AGXT: variants seen among roughly 807,000 people sequenced by gnomAD.
The protein encoded by AGXT is L-alanine: glyoxylate aminotransferase 1.
In AGXT, 41 loss-of-function variants were observed where a neutral mutation model predicts 46.9. The observed-to-expected ratio is 0.88, with a 90% CI of 0.68 to 1.14. The LOEUF (loss-of-function observed/expected upper bound fraction) is 1.14. AGXT is among the 50% of genes most tolerant of loss of function. The pLI is 0.00. For synonymous variants in AGXT, 244 were observed against 227.9 expected, an observed-to-expected ratio of 1.07 and a Z score of -0.64; for missense variants, 525 against 522.7, an observed-to-expected ratio of 1.00 and a Z score of -0.04.
At chr2:240,878,240 G>A (rs992251541) in intron 10 of AGXT, 90 bp downstream of exon 10, 33 of 1,554,632 alleles carry the variant, frequency 2.1e-5, no homozygotes, top group South Asian at 1.2e-4. Flanking sequence ...AGGGGAGGCC[G>A]GGGTCATCCG....
At chr2:240,878,242 G>C (rs2059039046) in intron 10 of AGXT, 92 bp downstream of exon 10, 2 of 1,555,550 alleles carry the variant, frequency 1.3e-6, no homozygotes, top group South Asian at 1.2e-5. Context: ...GGGAGGCCGG[G>C]GTCATCCGAA....
At chr2:240,869,413 T>C in intron 2 of AGXT, 51 bp downstream of exon 2, 1 of 627,424 alleles carries the variant, frequency 1.6e-6, no homozygotes, top group Non-Finnish European at 2.4e-6. Context: ...CTTCAAGGCC[T>C]CCCTGGCCTC....
chr2:240,879,224 G>A lies in AGXT; in HGVS notation c.*403G>A, dbSNP rs1020687663. The A allele has an allele frequency of 6.7e-6, 2 of 297,622 alleles. No homozygotes were observed. The highest frequency in any genetic ancestry group is 1.3e-5 in the Non-Finnish European group (2 of 154,330). The allele number at this position is 297,622 out of a possible 1,614,324, so 18.4% of individuals were successfully genotyped here. On this transcript the variant is annotated 3_prime_UTR_variant, in exon 11 of 11. Coordinates refer to ENST00000307503, the MANE Select transcript of AGXT (RefSeq NM_000030.3). ...CACTCCTCATCCTGGAGCCCACAGGGTAGATCCTCCCCTGGAGGAGGTGCT... is the reference window on the plus strand; with the variant it reads ...CACTCCTCATCCTGGAGCCCACAGGATAGATCCTCCCCTGGAGGAGGTGCT...
At chr2:240,869,923 C>T (rs2106427951) in intron 2 of AGXT, among the ~76,000 whole-genome samples, 1 of 152,288 alleles carries the variant, frequency 6.6e-6, no homozygotes, top group South Asian at 2.1e-4. Flanking sequence ...GTGAGCTCCA[C>T]AATGGCCATG....
At position 240,871,386 on chromosome 2, in the gene AGXT, C is replaced by T. The variant is rs1352796497; in HGVS notation, c.461C>T (p.Thr154Ile). Reference sequence around the variant, plus strand: ...CACAAGCCAGTGCTGCTGTTCTTAACCCACGGGGAGTCGTCCACCGGCGTG... The same window carrying T: ...CACAAGCCAGTGCTGCTGTTCTTAATCCACGGGGAGTCGTCCACCGGCGTG... ...AQHKPVLLFL[T>I]HGESSTGVLQ... The change falls in exon 4 of 11, where the codon ACC becomes ATC. Residue 154 changes from threonine to isoleucine, a missense_variant. Coordinates refer to ENST00000307503, the MANE Select transcript of AGXT (RefSeq NM_000030.3). The T allele has an allele frequency of 1.0e-5, 16 of 1,599,208 alleles. No homozygotes were observed. Among genetic ancestry groups the T allele is most frequent in the African/African-American group, 1.3e-5 (1 of 74,690 alleles).
chr2:240,876,156 C>A (rs2059023817), intron 8 of AGXT, 152 bp downstream of exon 8: 2 of 948,666 alleles, frequency 2.1e-6, no homozygotes, highest in Non-Finnish European at 1.7e-6. Flanking sequence ...GAGGACAGGG[C>A]CCCGGGTACA....
Position 240,878,752 on chromosome 2 carries a change from C to A in AGXT, c.1110C>A (p.Arg370=), listed in dbSNP as rs375318394. ...RIGLLGCNAT[R]ENVDRVTEAL... The stretch of plus-strand genomic sequence containing the variant: ...GCCTGCTGGGCTGCAATGCCACCCG[C>A]GAGAATGTGGACCGCGTGACGGAGG... The change falls in exon 11 of 11, where the codon CGC becomes CGA. Residue 370 remains arginine, a synonymous_variant. Coordinates refer to ENST00000307503, the MANE Select transcript of AGXT (RefSeq NM_000030.3). The A allele has an allele frequency of 1.9e-6, 3 of 1,586,148 alleles. No individual in the cohort carries two copies. Among genetic ancestry groups the A allele is most frequent in the South Asian group, 1.2e-5 (1 of 86,734 alleles).
At chr2:240,876,045 G>A in intron 8 of AGXT, 41 bp downstream of exon 8, 1 of 1,607,234 alleles carries the variant, frequency 6.2e-7, no homozygotes, top group Non-Finnish European at 8.5e-7. Flanking sequence ...AGGGCCACTG[G>A]CTGGATTGTC....
intron 10 of AGXT, 121 bp downstream of exon 10, chr2:240,878,271 G>A (rs1044941651): frequency 1.6e-5 from 22 of 1,401,156 alleles, no homozygotes; most frequent in South Asian, 2.6e-5. Flanking sequence ...TTGCAGGAGC[G>A]TCCAGAAGGG....
intron 2 of AGXT, 49 bp from the exon 3 acceptor site, chr2:240,870,595 T>C: frequency 6.5e-7 from 1 of 1,544,944 alleles, no homozygotes; most frequent in Non-Finnish European, 8.7e-7. Flanking sequence ...CAACACTGGC[T>C]TCTACAGTGT....
intron 8 of AGXT, among the ~76,000 whole-genome samples, chr2:240,876,506 C>A (rs772568993): frequency 1.7e-4 from 26 of 152,298 alleles, no homozygotes; most frequent in Non-Finnish European, 8.8e-5. Flanking sequence ...AGGACACAGG[C>A]GGCTGAGAGT....
rs749297509 is a variant in AGXT, at chr2:240,878,027, C to T, written c.948C>T (p.Leu316=). ...GLQLFVKDPA[L]RLPTVTTVAV... ...GAGCCAGGCCCCTCCTGCAGGCGCT[C>T]CGGCTTCCCACAGTCACCACTGTGG... The change falls in exon 10 of 11, where the codon CTC becomes CTT. Residue 316 remains leucine (L), a synonymous_variant. Transcript: ENST00000307503. 1 of 1,611,814 alleles carries T rather than the reference C, an allele frequency of 6.2e-7. No individual in the cohort carries two copies. The highest frequency in any genetic ancestry group is 1.7e-5 in the Admixed American group (1 of 60,024).
At chr2:240,874,095 G>A in intron 6 of AGXT, 33 bp downstream of exon 6, 2 of 1,603,976 alleles carry the variant, frequency 1.2e-6, no homozygotes, top group Non-Finnish European at 1.7e-6. Flanking sequence ...CCTCTGTGCA[G>A]GGCTGGGCTT....
In AGXT at chr2:240,879,173, C is replaced by T. The variant is rs374832177; in HGVS notation, c.*352C>T. ...GAGGAGAGCATCTCTGCTCCCTGAG[C>T]TGCCTGATTGTGGACTTTAGGGGGA... On this transcript the variant is annotated 3_prime_UTR_variant, in exon 11 of 11. Transcript: ENST00000307503. 1.3e-5 allele frequency: 5 copies of T among 393,274 alleles called. No homozygotes were observed. The highest frequency in any genetic ancestry group is 8.2e-5 in the African/African-American group (4 of 48,740). The allele number at this position is 393,274 out of a possible 1,614,324, so 24.4% of individuals were successfully genotyped here.
At chr2:240,876,444 T>G (rs905788461) in intron 8 of AGXT, among the ~76,000 whole-genome samples, 1 of 152,220 alleles carries the variant, frequency 6.6e-6, no homozygotes, top group South Asian at 2.1e-4. Context: ...CAGGGGTTGA[T>G]TTGGCCACTG....
Position 240,879,026 on chromosome 2 carries a change from G to C in AGXT, c.*205G>C. On this transcript the variant is annotated 3_prime_UTR_variant, in exon 11 of 11. Transcript: ENST00000307503. ...GGCACCTCCTGGAAACAGTCCACTT[G>C]GGCGCAAAACCCAGTGCCTTCCAAA... The C allele has an allele frequency of 1.6e-6, 1 of 617,096 alleles. No homozygotes were observed. The highest frequency in any genetic ancestry group is 2.9e-6 in the Non-Finnish European group (1 of 345,310). 38.2% of individuals were successfully genotyped at this position (617,096 alleles called of 1,614,324 possible). A position where few individuals can be genotyped will look rare whatever the true frequency, so the allele number is the denominator to read the frequency against.
rs898273853 is a variant in AGXT, at chr2:240,877,880, G to A, written c.943-142G>A. ...GTGCCCATCCACCGCCTCCTAAGGG[G>A]TGGGGTCCCTGCTCTCTCCCGGCCC... On this transcript the variant is annotated intron_variant, in intron 9 of 10. Transcript: ENST00000307503. 11 of 1,211,066 alleles carry A rather than the reference G, an allele frequency of 9.1e-6. No individual in the cohort carries two copies. The South Asian group carries it at 1.1e-4, about 12-fold the overall frequency. The allele number at this position is 1,211,066 out of a possible 1,614,324, so 75.0% of individuals were successfully genotyped here.
chr2:240,873,921 G>A (rs2059005234), intron 5 of AGXT, 57 bp from the exon 6 acceptor site: 13 of 1,504,362 alleles, frequency 8.6e-6, no homozygotes, highest in Non-Finnish European at 1.2e-5. Context: ...GCATCCCGCT[G>A]GACTGGCCTG....
At chr2:240,869,806 ATGGGCAGAGTATT>A in intron 2 of AGXT, among the ~76,000 whole-genome samples, 1 of 152,312 alleles carries the variant, frequency 6.6e-6, no homozygotes, top group Non-Finnish European at 1.5e-5. Context: ...ATATGGAGGT[ATGGGCAGAGTATT>A]CGCCTCCGGA....
Sources: allele counts gnomAD v4.1 joint callset (sites outside exome capture counted in the v4.1 genomes callset), GRCh38; gene constraint gnomAD v4.1.1; transcripts MANE v1.5; gene names NCBI Gene and HGNC (gene_info 2026-07-23, HGNC 2026-07-21).